Variants in RASGRF2 observed in about 807,000 individuals in gnomAD.
The protein encoded by RASGRF2 is Ras protein specific guanine nucleotide releasing factor 2, also known as ras-specific guanine nucleotide-releasing factor 2.
Under a neutral mutation model 151.0 loss-of-function variants are expected in RASGRF2, and 76 were observed. The observed-to-expected ratio is 0.50, with a 90% CI of 0.42 to 0.61. The LOEUF (loss-of-function observed/expected upper bound fraction) is 0.61, where lower values mean the gene tolerates loss of function less well. RASGRF2 is among the 20% of genes least tolerant of loss of function. The pLI is 0.00. For synonymous variants in RASGRF2, 504 were observed against 566.5 expected, an observed-to-expected ratio of 0.89 and a Z score of 1.57; for missense variants, 1,148 against 1,564.6, an observed-to-expected ratio of 0.73 and a Z score of 4.49.
chr5:80,994,344 C>G (rs561645668), intron 1 of RASGRF2, among the ~76,000 whole-genome samples: 21 of 127,834 alleles, frequency 1.6e-4, no homozygotes, highest in Non-Finnish European at 2.8e-4. Flanking sequence ...CCAGCCTGGG[C>G]GACAGAGCGA....
Position 81,144,931 on chromosome 5 carries a change from C to T in RASGRF2, c.2686+17768C>T, listed in dbSNP as rs78786384. Among the ~76,000 whole-genome samples, 250 of 152,130 alleles carry T rather than the reference C, an allele frequency of 1.6e-3. 1 individual carries two copies. Among genetic ancestry groups the T allele is most frequent in the African/African-American group, 5.8e-3 (241 of 41,512 alleles). ...CTTTATTGCCTTGGCCCAATGCACACTTGATGTTTAAAAAATAAGGGAAGA... is the reference window on the plus strand; with the variant it reads ...CTTTATTGCCTTGGCCCAATGCACATTTGATGTTTAAAAAATAAGGGAAGA... On this transcript the variant is annotated intron_variant, in intron 17 of 26. Coordinates refer to ENST00000265080, the MANE Select transcript of RASGRF2 (RefSeq NM_006909.3).
intron 22 of RASGRF2, among the ~76,000 whole-genome samples, chr5:81,209,163 G>A (rs1451297766): frequency 2.0e-5 from 3 of 152,180 alleles, no homozygotes; most frequent in Non-Finnish European, 4.4e-5. Flanking sequence ...ACATTCCAGG[G>A]TTGGAAGGGG....
At chr5:81,094,823 C>G in intron 11 of RASGRF2, 33 bp from the exon 12 acceptor site, 1 of 1,555,124 alleles carries the variant, frequency 6.4e-7, no homozygotes, top group Non-Finnish European at 8.8e-7. Flanking sequence ...TTTTTGTATT[C>G]TCATCTAATT....
rs1294911384 is a variant in RASGRF2 at position 81,080,099 on chromosome 5, ATTAT to A, written c.888-19_888-16del. On this transcript the variant is annotated intron_variant, in intron 5 of 26. Transcript: ENST00000265080. ...AAACACATTATAGCAACTAAATTAT[ATTAT>A]TTTTCCTTTTTTTATAGTGAAACAA... The A allele has an allele frequency of 6.3e-7, 1 of 1,592,752 alleles. No individual in the cohort carries two copies. Among genetic ancestry groups the A allele is most frequent in the South Asian group, 1.2e-5 (1 of 86,014 alleles).
intron 18 of RASGRF2, among the ~76,000 whole-genome samples, chr5:81,185,689 A>AC (rs1481380500): frequency 6.6e-6 from 1 of 152,182 alleles, no homozygotes; most frequent in Admixed American, 6.5e-5. Flanking sequence ...TTTCCCCTGG[A>AC]CCTGAGGTAC....
chr5:81,003,651 G>A lies in RASGRF2; in HGVS notation c.289-39226G>A, dbSNP rs1275705287. On this transcript the variant is annotated intron_variant, in intron 1 of 26. Transcript: ENST00000265080. The stretch of plus-strand genomic sequence containing the variant: ...TGCTGAGATTACAGGCATGAGCCAT[G>A]ATGCCTGGCCGAGACAATTTTTTAA... Among the ~76,000 whole-genome samples, 3 of 152,210 alleles carry A rather than the reference G, an allele frequency of 2.0e-5. No homozygotes were observed. The East Asian group carries it at 5.8e-4, about 29-fold the overall frequency.
At chr5:80,981,055 T>C (rs1748282868) in intron 1 of RASGRF2, among the ~76,000 whole-genome samples, 1 of 152,270 alleles carries the variant, frequency 6.6e-6, no homozygotes, top group Non-Finnish European at 1.5e-5. Context: ...AAAAGCCACT[T>C]AAAGTTTTAG....
At chr5:81,225,291 T>C (rs1226686481) in intron 26 of RASGRF2, among the ~76,000 whole-genome samples, 1 of 152,204 alleles carries the variant, frequency 6.6e-6, no homozygotes, top group Non-Finnish European at 1.5e-5. Context: ...CTCTATCTAC[T>C]GTCACAGGGA....
At chr5:81,077,083 T>C (rs1454917573) in intron 5 of RASGRF2, among the ~76,000 whole-genome samples, 1 of 152,164 alleles carries the variant, frequency 6.6e-6, no homozygotes, top group Non-Finnish European at 1.5e-5. Context: ...AAAGTAGTGC[T>C]GGTATGAGAG....
At chr5:81,163,961 A>G (rs1385283967) in intron 17 of RASGRF2, among the ~76,000 whole-genome samples, 3 of 152,182 alleles carry the variant, frequency 2.0e-5, no homozygotes, top group Non-Finnish European at 2.9e-5. Context: ...ATTGCTTAGA[A>G]CAGTTCCCGG....
intron 9 of RASGRF2, among the ~76,000 whole-genome samples, 166 bp from the exon 10 acceptor site, chr5:81,092,635 T>C (rs975036633): frequency 6.6e-6 from 1 of 152,308 alleles, no homozygotes; most frequent in African/African-American, 2.4e-5. Flanking sequence ...TACAATGCAT[T>C]GTTTCTTCTG....
intron 17 of RASGRF2, among the ~76,000 whole-genome samples, chr5:81,171,192 G>A (rs1754650002): frequency 6.6e-6 from 1 of 152,084 alleles, no homozygotes; most frequent in Non-Finnish European, 1.5e-5. Flanking sequence ...ATTCACAACT[G>A]AACACACTTT....
At chr5:81,132,501 T>C (rs922562203) in intron 17 of RASGRF2, among the ~76,000 whole-genome samples, 2 of 152,202 alleles carry the variant, frequency 1.3e-5, no homozygotes, top group Non-Finnish European at 2.9e-5. Flanking sequence ...CTTTTTTGGA[T>C]ACCCACAACC....
chr5:81,073,368 G>T lies in RASGRF2; in HGVS notation c.803G>T (p.Gly268Val). ...CACCAGCTCTACATCCTGGTCAATGGCTTTCTCCGGCCCCTGCGTATGGCC... is the reference window on the plus strand; with the variant it reads ...CACCAGCTCTACATCCTGGTCAATGTCTTTCTCCGGCCCCTGCGTATGGCC... Reference protein sequence around the residue: ...YVHQLYILVNGFLRPLRMAAS... With the variant: ...YVHQLYILVNVFLRPLRMAAS... The change falls in exon 5 of 27, where the codon GGC (glycine) becomes GTC (valine). Residue 268 changes from glycine to valine, a missense_variant. Transcript: ENST00000265080. 6.2e-7 allele frequency: 1 copy of T among 1,614,116 alleles called. No individual in the cohort carries two copies. The highest frequency in any genetic ancestry group is 8.5e-7 in the Non-Finnish European group (1 of 1,180,008).
At chr5:81,048,636 C>T (rs1007309503) in intron 2 of RASGRF2, among the ~76,000 whole-genome samples, 2 of 152,292 alleles carry the variant, frequency 1.3e-5, no homozygotes, top group African/African-American at 2.4e-5. Context: ...GCAGGTGCCC[C>T]GTCCTCATGC....
At chr5:81,109,843 T>C (rs1752948263) in intron 13 of RASGRF2, among the ~76,000 whole-genome samples, 1 of 152,196 alleles carries the variant, frequency 6.6e-6, no homozygotes, top group South Asian at 2.1e-4. Context: ...AGGTGACACT[T>C]AATGAACTGG....
chr5:81,015,854 G>C (rs981933581), intron 1 of RASGRF2, among the ~76,000 whole-genome samples: 15 of 152,164 alleles, frequency 9.9e-5, no homozygotes. Flanking sequence ...ATGTTTTTAA[G>C]TATTCTTTCT....
At chr5:81,041,950 C>T (rs570993954) in intron 1 of RASGRF2, among the ~76,000 whole-genome samples, 112 of 152,196 alleles carry the variant, frequency 7.4e-4, no homozygotes, top group African/African-American at 2.6e-3. Flanking sequence ...TAGTATGTAA[C>T]CTTTTGAGAC....
chr5:81,183,788 C>A (rs958875587), intron 18 of RASGRF2, among the ~76,000 whole-genome samples: 2 of 152,172 alleles, frequency 1.3e-5, no homozygotes, highest in Non-Finnish European at 2.9e-5. Context: ...TCCACCTCTT[C>A]GGGTGTTAGT....
Sources: allele counts gnomAD v4.1 joint callset (sites outside exome capture counted in the v4.1 genomes callset), GRCh38; gene constraint gnomAD v4.1.1; transcripts MANE v1.5; gene names NCBI Gene and HGNC (gene_info 2026-07-23, HGNC 2026-07-21).